BCKDHB: variants seen among roughly 807,000 people sequenced by gnomAD.
BCKDHB encodes 2-oxoisovalerate dehydrogenase subunit beta, mitochondrial.
A neutral mutation model predicts 48.5 loss-of-function variants in BCKDHB; 41 were observed. The observed-to-expected ratio is 0.85, with a 90% confidence interval of 0.66 to 1.10. The LOEUF (loss-of-function observed/expected upper bound fraction) is 1.10, where lower values mean the gene tolerates loss of function less well. Ranked by LOEUF, BCKDHB falls within the 50% of genes least tolerant of loss-of-function variation. BCKDHB has a pLI of 0.00. For missense variants in BCKDHB, 496 were observed against 494.2 expected (o/e 1.00, Z -0.03); for synonymous variants, 201 against 174.8 (o/e 1.15, Z -1.18).
intron 8 of BCKDHB, among the ~76,000 whole-genome samples, chr6:80,260,211 G>GT (rs756637861): frequency 7.5e-4 from 97 of 129,312 alleles, no homozygotes; most frequent in East Asian, 2.9e-3. Context: ...TGGTAATGGT[G>GT]GGTGTGTGTG....
intron 8 of BCKDHB, among the ~76,000 whole-genome samples, chr6:80,213,836 T>C (rs1370984179): frequency 6.6e-6 from 1 of 152,156 alleles, no homozygotes; most frequent in East Asian, 1.9e-4. Flanking sequence ...AAATGAATAG[T>C]TGTTCTTTGG....
At chr6:80,189,999 A>G (rs1773819453) in intron 6 of BCKDHB, among the ~76,000 whole-genome samples, 1 of 152,120 alleles carries the variant, frequency 6.6e-6, no homozygotes, top group African/African-American at 2.4e-5. Context: ...TTTTTGTAGT[A>G]TTAATGCATG....
upstream of BCKDHB, chr6:80,106,636 G>C: frequency 6.6e-7 from 1 of 1,525,036 alleles, no homozygotes. Context: ...CGGGTGCTCC[G>C]CCCTCCCCGC....
At chr6:80,407,388 G>A in the BCKDHB span, among the ~76,000 whole-genome samples, 1 of 152,034 alleles carries the variant, frequency 6.6e-6, no homozygotes, top group East Asian at 1.9e-4. Flanking sequence ...TTCCAATTCT[G>A]TGAAGAAAGT....
chr6:80,410,285 T>C, the BCKDHB span, among the ~76,000 whole-genome samples: 1 of 152,308 alleles, frequency 6.6e-6, no homozygotes, highest in East Asian at 1.9e-4. Context: ...CCCACATTCT[T>C]CTTGCTTATC....
At chr6:80,346,680 A>G (rs1176211983), downstream of BCKDHB, among the ~76,000 whole-genome samples, 6 of 152,292 alleles carry the variant, frequency 3.9e-5, no homozygotes, top group East Asian at 3.9e-4. Flanking sequence ...TGTTCTTTAT[A>G]TTATTACTTG....
intron 6 of BCKDHB, among the ~76,000 whole-genome samples, chr6:80,196,181 A>G (rs1429649689): frequency 6.6e-6 from 1 of 152,184 alleles, no homozygotes; most frequent in Non-Finnish European, 1.5e-5. Context: ...AGGATTGGAA[A>G]GTGCTATCTA....
At chr6:80,200,725 T>C (rs2127822694) in intron 6 of BCKDHB, among the ~76,000 whole-genome samples, 1 of 152,294 alleles carries the variant, frequency 6.6e-6, no homozygotes, top group East Asian at 1.9e-4. Context: ...ATAGCTGATA[T>C]GTTTTATACA....
chr6:80,371,220 A>G, the BCKDHB span, among the ~76,000 whole-genome samples: 1 of 152,020 alleles, frequency 6.6e-6, no homozygotes, highest in Non-Finnish European at 1.5e-5. Context: ...TCATTTTGAT[A>G]TGCATTTACC....
At position 80,167,745 on chromosome 6, in the gene BCKDHB, G is replaced by C; in HGVS notation, c.411G>C (p.Ala137=). The C allele has an allele frequency of 6.2e-7, 1 of 1,612,904 alleles. No individual in the cohort carries two copies. Among genetic ancestry groups the C allele is most frequent in the Non-Finnish European group, 8.5e-7 (1 of 1,179,106 alleles). Residue 137 remains alanine, a synonymous_variant, in exon 4 of 10, where the codon GCG becomes GCC. Coordinates refer to ENST00000320393, the MANE Select transcript of BCKDHB (RefSeq NM_183050.4). ...TTGTTGGATTTGGAATCGGAATTGC[G>C]GTCACTGGAGCTACTGCCATTGCGG... ...QGIVGFGIGI[A]VTGATAIAEI...
In BCKDHB at chr6:80,282,988, G is replaced by A. The variant is rs572975209; in HGVS notation, c.1038+9767G>A. Among the ~76,000 whole-genome samples the A allele has an allele frequency of 8.6e-5, 13 of 151,980 alleles. No homozygotes were observed. The South Asian group carries it at 2.7e-3, about 32-fold the overall frequency. The stretch of plus-strand genomic sequence containing the variant: ...CTTTATCATGTACATTTGAGTTTTG[G>A]GATTTACCATTCATAGTGATGGTGG... On this transcript the variant is annotated intron_variant, in intron 9 of 9. Coordinates refer to ENST00000320393, the MANE Select transcript of BCKDHB (RefSeq NM_183050.4).
At chr6:80,156,440 G>A (rs892307315) in intron 3 of BCKDHB, among the ~76,000 whole-genome samples, 1 of 152,052 alleles carries the variant, frequency 6.6e-6, no homozygotes, top group Non-Finnish European at 1.5e-5. Flanking sequence ...TCAAGTTGTA[G>A]GCAGAAGAAA....
the BCKDHB span, among the ~76,000 whole-genome samples, chr6:80,419,749 C>T: frequency 6.6e-6 from 1 of 152,220 alleles, no homozygotes; most frequent in African/African-American, 2.4e-5. Flanking sequence ...CCTCTTCCCC[C>T]AGAGCCACTG....
At chr6:80,442,201 G>A in the BCKDHB span, among the ~76,000 whole-genome samples, 1 of 152,128 alleles carries the variant, frequency 6.6e-6, no homozygotes, top group Non-Finnish European at 1.5e-5. Flanking sequence ...AATCTTGGAT[G>A]AGAAAAGAGC....
At chr6:80,223,763 T>C (rs1775562491) in intron 8 of BCKDHB, among the ~76,000 whole-genome samples, 1 of 152,162 alleles carries the variant, frequency 6.6e-6, no homozygotes, top group Non-Finnish European at 1.5e-5. Flanking sequence ...TGCTGGGGCT[T>C]GAAACTATTA....
At chr6:80,297,610 G>A (rs1346017915) in intron 9 of BCKDHB, among the ~76,000 whole-genome samples, 1 of 152,060 alleles carries the variant, frequency 6.6e-6, no homozygotes, top group African/African-American at 2.4e-5. Context: ...CAAAAATTAA[G>A]GGTCCCATTT....
chr6:80,180,077 T>G (rs899610563), intron 6 of BCKDHB, among the ~76,000 whole-genome samples: 1 of 152,180 alleles, frequency 6.6e-6, no homozygotes, highest in South Asian at 2.1e-4. Flanking sequence ...CTCCCACATG[T>G]CCAGCCTTTA....
intron 9 of BCKDHB, among the ~76,000 whole-genome samples, chr6:80,306,190 C>A (rs4706835): frequency 0.8 from 121,487 of 152,142 alleles, 48,673 homozygotes; most frequent in Admixed American, 0.87. Context: ...TTGTGTTACT[C>A]TTTGACAATA....
chr6:80,132,850 A>G (rs565172576), intron 3 of BCKDHB, among the ~76,000 whole-genome samples: 4 of 152,196 alleles, frequency 2.6e-5, no homozygotes, highest in Admixed American at 6.6e-5. Flanking sequence ...ATATATTAAA[A>G]TACATTTTTC....
Sources: allele counts gnomAD v4.1 joint callset (sites outside exome capture counted in the v4.1 genomes callset), GRCh38; gene constraint gnomAD v4.1.1; transcripts MANE v1.5; gene names NCBI Gene and HGNC (gene_info 2026-07-23, HGNC 2026-07-21).